The following TTLL9 variants were observed in gnomAD, a reference collection of about 807,000 sequenced individuals.
The protein encoded by TTLL9 is probable tubulin polyglutamylase TTLL9.
A neutral mutation model predicts 65.6 loss-of-function variants in TTLL9; 47 were observed. The observed-to-expected ratio is 0.72, with a 90% CI of 0.57 to 0.91. The LOEUF (loss-of-function observed/expected upper bound fraction) is 0.91, where lower values mean the gene tolerates loss of function less well. Among genes scored for constraint, TTLL9 ranks in the 40% least tolerant of loss-of-function variants. The pLI, the probability that TTLL9 is intolerant of heterozygous loss-of-function variation, is 0.00. For missense variants in TTLL9, 537 were observed against 568.8 expected (o/e 0.94, Z 0.57); for synonymous variants, 179 against 204.8 (o/e 0.87, Z 1.07).
chr20:31,885,096 T>G (rs1226102572), intron 2 of TTLL9, among the ~76,000 whole-genome samples: 1 of 152,246 alleles, frequency 6.6e-6, no homozygotes, highest in Admixed American at 6.5e-5. Flanking sequence ...ATTCATGTAT[T>G]GGAAGGCTCA....
chr20:31,930,302 A>G (rs904129061), intron 10 of TTLL9, among the ~76,000 whole-genome samples: 1 of 152,164 alleles, frequency 6.6e-6, no homozygotes, highest in Non-Finnish European at 1.5e-5. Context: ...ATATTCTGTG[A>G]GTTTTGAAGT....
At chr20:31,912,274 C>T (rs893194373) in intron 6 of TTLL9, among the ~76,000 whole-genome samples, 3 of 152,174 alleles carry the variant, frequency 2.0e-5, no homozygotes, top group Non-Finnish European at 4.4e-5. Context: ...GCCCGTGCAG[C>T]ATCCAGGGAC....
intron 6 of TTLL9, among the ~76,000 whole-genome samples, chr20:31,911,084 A>G (rs750414005): frequency 6.6e-6 from 1 of 152,118 alleles, no homozygotes; most frequent in Non-Finnish European, 1.5e-5. Context: ...CGGAGGCAGG[A>G]GAATTGCTTG....
intron 2 of TTLL9, among the ~76,000 whole-genome samples, chr20:31,880,767 G>A (rs2063106873): frequency 6.6e-6 from 1 of 151,640 alleles, no homozygotes; most frequent in Non-Finnish European, 1.5e-5. Flanking sequence ...GATTACAGGC[G>A]TGAGCCACTG....
chr20:31,907,498 G>A (rs2063574210), intron 4 of TTLL9, among the ~76,000 whole-genome samples: 1 of 152,182 alleles, frequency 6.6e-6, no homozygotes, highest in African/African-American at 2.4e-5. Flanking sequence ...GAGGTAGGTG[G>A]ATCACCTGAG....
At chr20:31,890,779 C>T (rs970004791) in intron 3 of TTLL9, among the ~76,000 whole-genome samples, 1 of 152,234 alleles carries the variant, frequency 6.6e-6, no homozygotes, top group South Asian at 2.1e-4. Context: ...CAACTCCAGT[C>T]GTCACTGGTT....
In TTLL9 at chr20:31,922,990, G is replaced by T; in HGVS notation, c.601G>T (p.Asp201Tyr). Residue 201 changes from aspartate (D) to tyrosine (Y), a missense_variant, in exon 8 of 15, where the codon GAT (aspartate) becomes TAT (tyrosine). By Grantham distance (160) the Asp-to-Tyr change is radical (BLOSUM62 -3). This residue lies in a region of TTLL9 where 320 missense variants were observed against 311.0 expected (regional missense o/e 1.03). Coordinates refer to ENST00000535842, the MANE Select transcript of TTLL9 (RefSeq NM_001008409.5). ...CACAAGAAGCTCTGACGACCAGAAA[G>T]ATGATATTCCCGTGGAGAACTATGT... is the stretch of plus-strand genomic sequence containing the variant. ...KDTRSSDDQK[D>Y]DIPVENYVAQ... is the part of the protein sequence containing the mutation. The T allele has an allele frequency of 6.2e-7, 1 of 1,614,032 alleles. No homozygotes were observed. Among genetic ancestry groups the T allele is most frequent in the African/African-American group, 1.3e-5 (1 of 75,046 alleles).
intron 2 of TTLL9, among the ~76,000 whole-genome samples, chr20:31,873,737 A>AGG (rs1317833818): frequency 0.013 from 1,681 of 133,208 alleles, 12 homozygotes; most frequent in Middle Eastern, 0.018. Flanking sequence ...AAAGAAAGAA[A>AGG]AAGGAAGGAA....
At chr20:31,915,924 G>A (rs1316609259) in intron 6 of TTLL9, among the ~76,000 whole-genome samples, 1 of 152,182 alleles carries the variant, frequency 6.6e-6, no homozygotes, top group Non-Finnish European at 1.5e-5. Context: ...CAAACATAGT[G>A]ACTTGAAACA....
rs1555799713 is a variant in TTLL9 at position 31,873,684 on chromosome 20, G to GAAAGAAAGAA, written c.69+2490_69+2491insAAGAAAGAAA. Among the ~76,000 whole-genome samples, 40 of 100,580 alleles carry GAAAGAAAGAA rather than the reference G, an allele frequency of 4.0e-4. No individual in the cohort carries two copies. In the East Asian group the frequency reaches 9.7e-3, roughly 24 times the overall value. 66.0% of individuals were successfully genotyped at this position (100,580 alleles called of 152,430 possible). A position where few individuals can be genotyped will look rare whatever the true frequency, so the allele number is the denominator to read the frequency against. On this transcript the variant is annotated intron_variant, in intron 2 of 14. Transcript: ENST00000535842. ...CAAAAGAAAGAAAGAAAGAGAGAGA[G>GAAAGAAAGAA]AGAAAGAAAGAAAGAAAGAAAGAAA...
At chr20:31,911,831 C>CGCGT (rs1189084296) in intron 6 of TTLL9, among the ~76,000 whole-genome samples, 118 of 142,320 alleles carry the variant, frequency 8.3e-4, no homozygotes, top group African/African-American at 3.0e-3. Flanking sequence ...TGTGTCTGTG[C>CGCGT]GTGTGTGTGT....
chr20:31,922,336 C>A (rs1238093739), intron 7 of TTLL9, among the ~76,000 whole-genome samples: 6 of 152,102 alleles, frequency 3.9e-5, no homozygotes, highest in Non-Finnish European at 8.8e-5. Context: ...AAGTGTGTGG[C>A]TTTATCACAC....
intron 3 of TTLL9, among the ~76,000 whole-genome samples, chr20:31,889,025 T>C (rs2063241325): frequency 7.1e-6 from 1 of 141,762 alleles, no homozygotes; most frequent in African/African-American, 2.7e-5. Context: ...CCCCATCTAC[T>C]TATTTTATAA....
intron 2 of TTLL9, among the ~76,000 whole-genome samples, chr20:31,873,538 A>C (rs1209462805): frequency 1.3e-5 from 2 of 151,810 alleles, no homozygotes; most frequent in Admixed American, 6.6e-5. Flanking sequence ...ACGAACCTGT[A>C]GTCCCAGCTA....
intron 6 of TTLL9, among the ~76,000 whole-genome samples, chr20:31,914,019 C>A (rs974556915): frequency 6.6e-6 from 1 of 152,234 alleles, no homozygotes; most frequent in African/African-American, 2.4e-5. Context: ...TCTATCTGCT[C>A]ACCCTGCGTC....
At chr20:31,922,893 T>C (rs1421928140) in intron 7 of TTLL9, 70 bp from the exon 8 acceptor site, 1 of 1,306,584 alleles carries the variant, frequency 7.7e-7, no homozygotes, top group African/African-American at 1.5e-5. Context: ...AAGTAGTGTC[T>C]AACAGAATAC....
intron 14 of TTLL9, among the ~76,000 whole-genome samples, chr20:31,942,079 C>T (rs1441966155): frequency 3.3e-5 from 5 of 152,118 alleles, no homozygotes; most frequent in African/African-American, 9.7e-5. Context: ...GGATGTGCAT[C>T]GTAGGCTCTC....
At position 31,943,376 on chromosome 20, in the gene TTLL9, C is replaced by T. The variant is rs1332814997; in HGVS notation, c.*355C>T. On this transcript the variant is annotated 3_prime_UTR_variant, in exon 15 of 15. Transcript: ENST00000535842. The stretch of plus-strand genomic sequence containing the variant: ...AGGCCCTACTTGGAGTCACTGGGCA[C>T]CAGGCCTGGTTCCGGGGATACTGTT... 7 of 348,896 alleles carry T rather than the reference C, an allele frequency of 2.0e-5. No individual in the cohort carries two copies. The highest frequency in any genetic ancestry group is 8.0e-5 in the Admixed American group (2 of 24,912). The allele number at this position is 348,896 out of a possible 1,614,324, so 21.6% of individuals were successfully genotyped here. A position where few individuals can be genotyped will look rare whatever the true frequency, so the allele number is the denominator to read the frequency against.
At chr20:31,888,792 C>T (rs746106241) in intron 3 of TTLL9, among the ~76,000 whole-genome samples, 14 of 152,070 alleles carry the variant, frequency 9.2e-5, no homozygotes, top group Admixed American at 3.3e-4. Context: ...GCATGTCACA[C>T]GGCAAGAGTG....
Sources: gnomAD v4.1 joint callset for allele counts (sites outside exome capture counted in the v4.1 genomes callset) on GRCh38, gnomAD v4.1.1 for gene constraint, gnomAD v4.1.1 regional missense constraint, MANE v1.5 for transcripts, NCBI Gene and HGNC (gene_info 2026-07-23, HGNC 2026-07-21) for gene names.